The following CSMD3 variants were observed in gnomAD, a reference collection of about 807,000 sequenced individuals.
CSMD3 encodes the protein CUB and Sushi multiple domains 3.
A neutral mutation model predicts 435.2 loss-of-function variants in CSMD3; 177 were observed. The ratio of observed to expected loss-of-function variants is 0.41; its 90% CI spans 0.36 to 0.46. The LOEUF (loss-of-function observed/expected upper bound fraction) is 0.46, where lower values mean the gene tolerates loss of function less well. CSMD3 is among the 20% of genes least tolerant of loss of function. The pLI, the probability that CSMD3 is intolerant of heterozygous loss-of-function variation, is 0.34. For missense variants in CSMD3, 4,265 were observed against 4,504.6 expected (o/e 0.95, Z 1.52); for synonymous variants, 1,656 against 1,520.5 (o/e 1.09, Z -2.07).
chr8:112,980,173 T>G (rs1191901333), intron 6 of CSMD3, among the ~76,000 whole-genome samples: 3 of 150,718 alleles, frequency 2.0e-5, no homozygotes, highest in Admixed American at 2.0e-4. Flanking sequence ...TTAAATTTTT[T>G]GTCCTATAGT....
At chr8:112,429,011 T>C (rs2167777) in intron 32 of CSMD3, among the ~76,000 whole-genome samples, 35,137 of 152,072 alleles carry the variant, frequency 0.23, 4,369 homozygotes, top group East Asian at 0.44. Flanking sequence ...TCAACTAGCA[T>C]ATGCATCACC....
chr8:112,327,243 G>A (rs1337155527), intron 45 of CSMD3, among the ~76,000 whole-genome samples: 1 of 152,156 alleles, frequency 6.6e-6, no homozygotes, highest in African/African-American at 2.4e-5. Flanking sequence ...ACCTCATTCT[G>A]TATAAAATAT....
intron 5 of CSMD3, among the ~76,000 whole-genome samples, chr8:113,095,445 C>A (rs1287647002): frequency 6.6e-6 from 1 of 152,118 alleles, no homozygotes; most frequent in African/African-American, 2.4e-5. Flanking sequence ...AGCCTATCAC[C>A]TACAAAATTA....
intron 35 of CSMD3, among the ~76,000 whole-genome samples, chr8:112,396,698 C>T (rs1049079326): frequency 2.0e-5 from 3 of 152,120 alleles, no homozygotes; most frequent in Non-Finnish European, 4.4e-5. Context: ...TGTGCCAAGT[C>T]CTCTTTTGAT....
intron 50 of CSMD3, among the ~76,000 whole-genome samples, chr8:112,306,681 C>A (rs73704003): frequency 0.02 from 2,972 of 152,190 alleles, 98 homozygotes; most frequent in African/African-American, 0.067. Context: ...CTGGCTATTT[C>A]TGTCTTAGCA....
At chr8:112,344,291 T>C (rs1376709201) in intron 41 of CSMD3, among the ~76,000 whole-genome samples, 2 of 152,202 alleles carry the variant, frequency 1.3e-5, no homozygotes, top group African/African-American at 2.4e-5. Flanking sequence ...CTGTGCTCTC[T>C]AGTTACACTG....
intron 5 of CSMD3, among the ~76,000 whole-genome samples, chr8:113,075,860 A>G (rs1238331823): frequency 6.6e-6 from 1 of 151,866 alleles, no homozygotes; most frequent in Non-Finnish European, 1.5e-5. Flanking sequence ...TGCACCAGTG[A>G]TATCCTGCAA....
At chr8:113,219,956 G>A (rs1344618132) in intron 3 of CSMD3, among the ~76,000 whole-genome samples, 1 of 151,362 alleles carries the variant, frequency 6.6e-6, no homozygotes, top group East Asian at 1.9e-4. Context: ...AAATTCTTTA[G>A]AAAATTGGGC....
At chr8:113,209,922 C>T (rs1439123889) in intron 3 of CSMD3, among the ~76,000 whole-genome samples, 1 of 150,572 alleles carries the variant, frequency 6.6e-6, no homozygotes, top group Non-Finnish European at 1.5e-5. Flanking sequence ...TTTAAAAATG[C>T]CTGTATTTTC....
At chr8:112,994,923 C>T (rs905471606) in intron 6 of CSMD3, among the ~76,000 whole-genome samples, 1 of 151,194 alleles carries the variant, frequency 6.6e-6, no homozygotes, top group African/African-American at 2.4e-5. Context: ...TTTGAAAAGA[C>T]AAAATGGTAA....
At chr8:112,433,893 T>A (rs1046972604) in intron 32 of CSMD3, among the ~76,000 whole-genome samples, 5 of 152,118 alleles carry the variant, frequency 3.3e-5, no homozygotes, top group Non-Finnish European at 7.4e-5. Flanking sequence ...TTATTTATTG[T>A]ATGAATCTCC....
chr8:113,224,006 A>T (rs1009421838), intron 3 of CSMD3, among the ~76,000 whole-genome samples: 15 of 151,190 alleles, frequency 9.9e-5, no homozygotes, highest in Admixed American at 2.0e-4. Flanking sequence ...TTCCTACAAC[A>T]TCTAATCTTC....
At chr8:112,809,676 G>A (rs1429965380) in intron 12 of CSMD3, among the ~76,000 whole-genome samples, 5 of 152,082 alleles carry the variant, frequency 3.3e-5, no homozygotes, top group Non-Finnish European at 4.4e-5. Context: ...TGGACTCCCA[G>A]TGATTAAGAT....
chr8:113,035,532 T>C (rs1396938525), intron 5 of CSMD3, among the ~76,000 whole-genome samples: 1 of 152,008 alleles, frequency 6.6e-6, no homozygotes, highest in East Asian at 1.9e-4. Flanking sequence ...GAAGCAACTT[T>C]TTGGCATGAG....
intron 5 of CSMD3, among the ~76,000 whole-genome samples, chr8:113,088,268 T>C (rs1375940515): frequency 2.0e-5 from 3 of 151,168 alleles, no homozygotes; most frequent in Non-Finnish European, 4.4e-5. Flanking sequence ...GGTGGGACTG[T>C]AAACTAGTTC....
In CSMD3 at chr8:113,377,668, A is replaced by G. The variant is rs569600153; in HGVS notation, c.178+59009T>C. Among the ~76,000 whole-genome samples the G allele has an allele frequency of 2.0e-5, 3 of 152,338 alleles. No individual in the cohort carries two copies. In the South Asian group the frequency reaches 6.2e-4, roughly 32 times the overall value. On this transcript the variant is annotated intron_variant, in intron 1 of 70. Transcript: ENST00000297405. ...AAACAATAGAAACTCTAATTTTAGC[A>G]AAGCACCACACTTGGAGTTGGACCA...
At chr8:112,676,739 T>A (rs1461628330) in intron 16 of CSMD3, among the ~76,000 whole-genome samples, 1 of 152,106 alleles carries the variant, frequency 6.6e-6, no homozygotes, top group Non-Finnish European at 1.5e-5. Flanking sequence ...GGAGAATTAA[T>A]TTATGTCCAA....
At position 112,292,598 on chromosome 8, in the gene CSMD3, C is replaced by G. The variant is rs544681451; in HGVS notation, c.8727G>C (p.Gly2909=). The part of the protein sequence containing the change: ...FSCNIGYLMQ[G]PTKAQCQANR... Reference sequence around the variant, plus strand: ...TGGCCTGGCACTGTGCCTTTGTTGGCCCTTGCATAAGATACCCAATATTGC... The same window carrying G: ...TGGCCTGGCACTGTGCCTTTGTTGGGCCTTGCATAAGATACCCAATATTGC... Residue 2909 remains glycine (G), a synonymous_variant, in exon 55 of 71, where the codon GGG becomes GGC. Coordinates refer to ENST00000297405, the MANE Select transcript of CSMD3 (RefSeq NM_198123.2). The G allele has an allele frequency of 6.2e-7, 1 of 1,613,742 alleles. No homozygotes were observed. The highest frequency in any genetic ancestry group is 8.5e-7 in the Non-Finnish European group (1 of 1,179,782).
intron 13 of CSMD3, among the ~76,000 whole-genome samples, chr8:112,782,003 C>A (rs1314416796): frequency 1.3e-5 from 2 of 152,210 alleles, no homozygotes; most frequent in South Asian, 2.1e-4. Context: ...GTGAAGATTG[C>A]AATAAATACC....
Sources: gnomAD v4.1 joint callset for allele counts (sites outside exome capture counted in the v4.1 genomes callset) on GRCh38, gnomAD v4.1.1 for gene constraint, MANE v1.5 for transcripts, NCBI Gene and HGNC (gene_info 2026-07-23, HGNC 2026-07-21) for gene names.